Variants in NTM observed in about 807,000 individuals in gnomAD.
NTM encodes neurotrimin, also known as IgLON family member 2.
Under a neutral mutation model 42.1 loss-of-function variants are expected in NTM, and 13 were observed. The observed-to-expected ratio is 0.31, with a 90% CI of 0.20 to 0.49. The LOEUF (loss-of-function observed/expected upper bound fraction) is 0.49, where lower values mean the gene tolerates loss of function less well. Among genes scored for constraint, NTM ranks in the 20% least tolerant of loss-of-function variants. The pLI, the probability that NTM is intolerant of heterozygous loss-of-function variation, is 0.99. For synonymous variants in NTM, 187 were observed against 179.2 expected (o/e 1.04, Z -0.35); for missense variants, 373 against 452.8 (o/e 0.82, Z 1.60).
rs2074679855 is a variant in NTM at position 132,163,138 on chromosome 11, AC to A, written c.400+16625del. Reference sequence around the variant, plus strand: ...GCCTGCCATTTGTTCTGGCCCAGCCACGGGCAAGCATCTCAGGAAAAAGGGA... The same window carrying A: ...GCCTGCCATTTGTTCTGGCCCAGCCAGGGCAAGCATCTCAGGAAAAAGGGA... On this transcript the variant is annotated intron_variant, in intron 3 of 8. Transcript: ENST00000683400. Among the ~76,000 whole-genome samples, 4 of 152,306 alleles carry A rather than the reference AC, an allele frequency of 2.6e-5. No homozygotes were observed. In the South Asian group the frequency reaches 8.3e-4, roughly 32 times the overall value.
chr11:132,244,391 A>C (rs2090727382), intron 4 of NTM, among the ~76,000 whole-genome samples: 1 of 152,226 alleles, frequency 6.6e-6, no homozygotes, highest in Admixed American at 6.5e-5. Context: ...GGAGTTTGAT[A>C]AAGTTGAGAC....
chr11:132,054,198 G>T (rs569142832), intron 2 of NTM, among the ~76,000 whole-genome samples: 2 of 152,192 alleles, frequency 1.3e-5, no homozygotes, highest in Admixed American at 6.5e-5. Flanking sequence ...CTGGGCAAAA[G>T]AGTGAGACTG....
At chr11:131,393,598 C>T (rs938896350) in intron 1 of NTM, among the ~76,000 whole-genome samples, 2 of 152,194 alleles carry the variant, frequency 1.3e-5, no homozygotes, top group African/African-American at 2.4e-5. Flanking sequence ...CCTCCTACTG[C>T]CCCCACCACC....
At chr11:131,431,011 G>A (rs557142802) in intron 1 of NTM, among the ~76,000 whole-genome samples, 7 of 152,362 alleles carry the variant, frequency 4.6e-5, no homozygotes, top group Admixed American at 2.0e-4. Context: ...GATATGCTAC[G>A]GTGATTCATA....
At chr11:132,325,668 T>C (rs1304151365) in intron 7 of NTM, among the ~76,000 whole-genome samples, 3 of 152,100 alleles carry the variant, frequency 2.0e-5, no homozygotes, top group Non-Finnish European at 4.4e-5. Context: ...CATTACTGGG[T>C]ATATACCCAA....
chr11:132,003,332 A>T lies in NTM; in HGVS notation c.167+91684A>T, dbSNP rs917405861. ...GCAATCACAGCTTACTGCAGCCTCA[A>T]CCTCCTGGGCTCAAATGATCCTCAC... is the stretch of plus-strand genomic sequence containing the variant. On this transcript the variant is annotated intron_variant, in intron 2 of 8. Coordinates refer to ENST00000683400, the MANE Select transcript of NTM (RefSeq NM_001352005.2). The surrounding 1 kb of genome is among the most constrained non-coding windows in gnomAD (Gnocchi z 6.0). Among the ~76,000 whole-genome samples the T allele has an allele frequency of 6.6e-6, 1 of 151,354 alleles. No individual in the cohort carries two copies. The highest frequency in any genetic ancestry group is 1.5e-5 in the Non-Finnish European group (1 of 67,884).
chr11:131,986,110 T>C (rs1044347222), intron 2 of NTM, among the ~76,000 whole-genome samples: 1 of 152,232 alleles, frequency 6.6e-6, no homozygotes, highest in Admixed American at 6.5e-5. Context: ...TTCTTTGAAT[T>C]AGAAACATCT....
At chr11:132,134,749 A>C (rs113378460) in intron 2 of NTM, among the ~76,000 whole-genome samples, 1,126 of 106,920 alleles carry the variant, frequency 0.011, 48 homozygotes, top group African/African-American at 0.017. Context: ...ATATATATAT[A>C]TATATATATA....
At chr11:131,399,771 G>A (rs1280555235) in intron 1 of NTM, among the ~76,000 whole-genome samples, 1 of 152,094 alleles carries the variant, frequency 6.6e-6, no homozygotes, top group Non-Finnish European at 1.5e-5. Context: ...AGGACTCTTG[G>A]GACTCTGCAC....
At chr11:131,936,011 T>TTATATATATATATATATATATATATA (rs559967974) in intron 2 of NTM, among the ~76,000 whole-genome samples, 13 of 151,828 alleles carry the variant, frequency 8.6e-5, no homozygotes, top group African/African-American at 2.7e-4. Context: ...CATGGAAATT[T>TTATATATATATATATATATATATATA]TATATATATA....
chr11:132,232,206 C>G (rs772908354), intron 4 of NTM, among the ~76,000 whole-genome samples: 1 of 152,082 alleles, frequency 6.6e-6, no homozygotes, highest in African/African-American at 2.4e-5. Flanking sequence ...TCCCACTGTG[C>G]GAGGAAAGGA....
intron 2 of NTM, among the ~76,000 whole-genome samples, chr11:132,027,749 T>C (rs2135599469): frequency 6.6e-6 from 1 of 152,320 alleles, no homozygotes; most frequent in South Asian, 2.1e-4. Context: ...TAGTGTTCTC[T>C]GAGCATCCTG....
intron 1 of NTM, chr11:131,546,614 C>T (rs2053979358): frequency 6.6e-6 from 1 of 152,268 alleles, no homozygotes; most frequent in Admixed American, 6.5e-5. Context: ...TTCCATTTGA[C>T]TTCACCTTGT....
chr11:131,940,269 G>A (rs1250303845), intron 2 of NTM, among the ~76,000 whole-genome samples: 5 of 152,122 alleles, frequency 3.3e-5, no homozygotes, highest in Non-Finnish European at 5.9e-5. Flanking sequence ...TGCAACTTAT[G>A]TACAGTTCCA....
chr11:132,021,068 T>C (rs2074259983), intron 2 of NTM, among the ~76,000 whole-genome samples: 1 of 152,078 alleles, frequency 6.6e-6, no homozygotes, highest in South Asian at 2.1e-4. Flanking sequence ...TTCTTCTGTC[T>C]TTTTTCCCCT....
chr11:131,883,137 C>A (rs2049818081), intron 1 of NTM, among the ~76,000 whole-genome samples: 1 of 152,182 alleles, frequency 6.6e-6, no homozygotes, highest in African/African-American at 2.4e-5. Flanking sequence ...ATGAGAAAAT[C>A]AAAGATTTTT....
At chr11:131,768,217 C>G (rs2085455858) in intron 1 of NTM, among the ~76,000 whole-genome samples, 2 of 150,642 alleles carry the variant, frequency 1.3e-5, no homozygotes, top group Non-Finnish European at 2.9e-5. Flanking sequence ...CTCCTGGGTT[C>G]AAGCAATTCT....
intron 1 of NTM, among the ~76,000 whole-genome samples, chr11:131,603,763 A>C (rs967256558): frequency 1.3e-5 from 2 of 152,228 alleles, no homozygotes; most frequent in Admixed American, 6.5e-5. Flanking sequence ...TGGACATTGA[A>C]TATCAATGGA....
intron 2 of NTM, among the ~76,000 whole-genome samples, chr11:131,969,111 C>T (rs1436495302): frequency 2.0e-5 from 3 of 152,160 alleles, no homozygotes; most frequent in East Asian, 1.9e-4. Flanking sequence ...TGGTAGGCTG[C>T]TTAAGGAATA....
Sources: gnomAD v4.1 joint callset for allele counts (sites outside exome capture counted in the v4.1 genomes callset) on GRCh38, gnomAD v4.1.1 for gene constraint, Gnocchi (gnomAD v3.1) non-coding constraint, MANE v1.5 for transcripts, NCBI Gene and HGNC (gene_info 2026-07-23, HGNC 2026-07-21) for gene names.